The following LARP4 variants were observed in gnomAD, a reference collection of about 807,000 sequenced individuals.
LARP4 encodes the protein La ribonucleoprotein 4, also known as la-related protein 4.
LARP4 carries 29 observed loss-of-function variants against 92.9 expected under a neutral mutation model. The ratio of observed to expected loss-of-function variants is 0.31; its 90% confidence interval spans 0.23 to 0.43. LARP4 has a LOEUF of 0.43. Ranked by LOEUF, LARP4 falls within the 20% of genes least tolerant of loss-of-function variation. The pLI is 1.00. For synonymous variants in LARP4, 279 were observed against 284.1 expected, an observed-to-expected ratio of 0.98 and a Z score of 0.18; for missense variants, 732 against 860.0, an observed-to-expected ratio of 0.85 and a Z score of 1.86.
chr12:50,423,801 G>A (rs1338190330), intron 1 of LARP4, among the ~76,000 whole-genome samples: 3 of 150,922 alleles, frequency 2.0e-5, no homozygotes, highest in African/African-American at 7.3e-5. Context: ...ACCCAGGCTG[G>A]GGTGCAATGA....
chr12:50,412,565 A>C (rs557141024), intron 1 of LARP4: 4 of 217,252 alleles, frequency 1.8e-5, no homozygotes, highest in Non-Finnish European at 3.1e-5. Context: ...TTCTTAGGAC[A>C]GGAGGATACC....
rs144926345 is a variant in LARP4, at chr12:50,407,004, C to T, written c.18+5976C>T. On this transcript the variant is annotated intron_variant, in intron 1 of 15. Transcript: ENST00000398473. ...TGCTGGGATTGCAGGCTTGAGCCAC[C>T]GCGCCCAGCCCATCTTAACAGTTTT... Among the ~76,000 whole-genome samples the T allele has an allele frequency of 5.7e-4, 84 of 146,122 alleles. No homozygotes were observed. The East Asian group carries it at 0.011, about 20-fold the overall frequency.
At chr12:50,425,070 C>A (rs1215747148) in intron 1 of LARP4, among the ~76,000 whole-genome samples, 1 of 152,208 alleles carries the variant, frequency 6.6e-6, no homozygotes, top group Admixed American at 6.5e-5. Flanking sequence ...TAGCTTGAAC[C>A]CAGGATGAGG....
intron 10 of LARP4, among the ~76,000 whole-genome samples, chr12:50,459,211 C>T (rs1197287976): frequency 1.3e-5 from 2 of 152,066 alleles, no homozygotes; most frequent in East Asian, 3.9e-4. Context: ...GTTAGCCAGG[C>T]TGGTCTAGAA....
intron 1 of LARP4, chr12:50,412,530 G>C: frequency 2.0e-6 from 1 of 491,110 alleles, no homozygotes; most frequent in Non-Finnish European, 2.6e-6. Context: ...CCTAACTCAT[G>C]GTTCTGTTAC....
intron 15 of LARP4, 150 bp from the exon 16 acceptor site, chr12:50,475,376 C>A: frequency 1.6e-6 from 1 of 612,532 alleles, no homozygotes; most frequent in Non-Finnish European, 2.9e-6. Flanking sequence ...AAGATTGTAC[C>A]AGTGTACTCT....
At chr12:50,436,332 TA>T (rs1950469271) in intron 5 of LARP4, among the ~76,000 whole-genome samples, 7 of 152,078 alleles carry the variant, frequency 4.6e-5, no homozygotes, top group Non-Finnish European at 1.0e-4. Flanking sequence ...ACAGCTTCTG[TA>T]ATAATTCTGC....
At chr12:50,417,727 C>A (rs1232698105) in intron 1 of LARP4, among the ~76,000 whole-genome samples, 1 of 152,222 alleles carries the variant, frequency 6.6e-6, no homozygotes, top group Non-Finnish European at 1.5e-5. Flanking sequence ...TGGAGTCTCA[C>A]TCTGTTACCC....
intron 1 of LARP4, among the ~76,000 whole-genome samples, chr12:50,417,947 G>T (rs1016898105): frequency 2.0e-5 from 3 of 152,054 alleles, no homozygotes; most frequent in African/African-American, 7.2e-5. Flanking sequence ...TGCAACCTCC[G>T]CCTCCTGGAT....
intron 1 of LARP4, among the ~76,000 whole-genome samples, chr12:50,422,781 ATATTATTAT>A (rs145036648): frequency 0.067 from 9,300 of 138,518 alleles, 691 homozygotes; most frequent in African/African-American, 0.18. Flanking sequence ...TTGGGAAATT[ATATTATTAT>A]TATTATTATT....
chr12:50,469,163 T>C (rs1012769922), intron 13 of LARP4, among the ~76,000 whole-genome samples: 1 of 152,166 alleles, frequency 6.6e-6, no homozygotes, highest in Non-Finnish European at 1.5e-5. Flanking sequence ...CAGAAATCAT[T>C]TTCCCTTGGA....
In LARP4 at chr12:50,429,935, C is replaced by T. The variant is rs151071370; in HGVS notation, c.323-560C>T. 1.6e-3 allele frequency among the ~76,000 whole-genome samples: 239 copies of T among 152,182 alleles called. 2 individuals are homozygous for T. Among genetic ancestry groups the T allele is most frequent in the African/African-American group, 5.5e-3 (230 of 41,528 alleles). ...GATTACAGGCGTGAGCCACCATGCCCGGCCTTTAAGTGCTTTTAGTATTGT... is the reference window on the plus strand; with the variant it reads ...GATTACAGGCGTGAGCCACCATGCCTGGCCTTTAAGTGCTTTTAGTATTGT... On this transcript the variant is annotated intron_variant, in intron 3 of 15. Coordinates refer to ENST00000398473, the MANE Select transcript of LARP4 (RefSeq NM_052879.5).
chr12:50,443,524 C>G (rs1221131667), intron 8 of LARP4, among the ~76,000 whole-genome samples: 1 of 152,146 alleles, frequency 6.6e-6, no homozygotes, highest in African/African-American at 2.4e-5. Flanking sequence ...ATCTCAGCCT[C>G]CCAAAGTGCT....
chr12:50,439,487 C>G (rs183386234), intron 6 of LARP4, among the ~76,000 whole-genome samples: 6 of 152,078 alleles, frequency 3.9e-5, no homozygotes, highest in Non-Finnish European at 8.8e-5. Context: ...ATTGCAGCCT[C>G]AAACTCCTTG....
chr12:50,414,188 C>T (rs1250934545), intron 1 of LARP4, among the ~76,000 whole-genome samples: 2 of 152,172 alleles, frequency 1.3e-5, no homozygotes. Context: ...TTATGATAAA[C>T]TATTCCAGTC....
chr12:50,454,100 C>T (rs55654791), intron 9 of LARP4, among the ~76,000 whole-genome samples: 2 of 152,118 alleles, frequency 1.3e-5, no homozygotes, highest in East Asian at 1.9e-4. Context: ...TTTAGTGTTG[C>T]GAAATGTCAG....
chr12:50,423,663 G>C (rs1029334646), intron 1 of LARP4, among the ~76,000 whole-genome samples: 2 of 151,704 alleles, frequency 1.3e-5, no homozygotes, highest in Admixed American at 1.3e-4. Context: ...TGGCCAGGCT[G>C]ATCTTGAACT....
chr12:50,425,644 C>T (rs944283513), intron 1 of LARP4, among the ~76,000 whole-genome samples: 8 of 152,134 alleles, frequency 5.3e-5, no homozygotes, highest in Non-Finnish European at 7.4e-5. Flanking sequence ...TTGTCACCTA[C>T]GGCATCCGTG....
chr12:50,440,876 ATGGTTT>A (rs1951094239), intron 7 of LARP4, among the ~76,000 whole-genome samples: 2 of 150,720 alleles, frequency 1.3e-5, no homozygotes, highest in Non-Finnish European at 3.0e-5. Flanking sequence ...TTTTGACTTG[ATGGTTT>A]TATTCTTTTT....
Sources: gnomAD v4.1 joint callset for allele counts (sites outside exome capture counted in the v4.1 genomes callset) on GRCh38, gnomAD v4.1.1 for gene constraint, MANE v1.5 for transcripts, NCBI Gene and HGNC (gene_info 2026-07-23, HGNC 2026-07-21) for gene names.